B3GALT1: variants seen among roughly 807,000 people sequenced by gnomAD.
B3GALT1 encodes the protein UDP-Gal:betaGlcNAc beta 1,3-galactosyltransferase, polypeptide 1.
In B3GALT1, 10 loss-of-function variants were observed where a neutral mutation model predicts 23.2. The observed-to-expected ratio is 0.43, with a 90% CI of 0.27 to 0.73. B3GALT1 has a LOEUF of 0.73. B3GALT1 is among the 30% of genes least tolerant of loss of function. The pLI, the probability that B3GALT1 is intolerant of heterozygous loss-of-function variation, is 0.21. For missense variants in B3GALT1, 299 were observed against 405.4 expected, an observed-to-expected ratio of 0.74 and a Z score of 2.25; for synonymous variants, 156 against 141.5, an observed-to-expected ratio of 1.10 and a Z score of -0.73.
chr2:167,694,200 G>A (rs1233185376), intron 3 of B3GALT1, among the ~76,000 whole-genome samples: 3 of 151,920 alleles, frequency 2.0e-5, no homozygotes, highest in African/African-American at 7.3e-5. Context: ...AATTCTGTAG[G>A]GATATAAACA....
chr2:167,632,567 T>C (rs969163235), intron 2 of B3GALT1, among the ~76,000 whole-genome samples: 2 of 152,130 alleles, frequency 1.3e-5, no homozygotes, highest in Non-Finnish European at 2.9e-5. Flanking sequence ...TTTTTTTTCA[T>C]ATGTTTGTTG....
Position 167,495,148 on chromosome 2 carries a change from C to T in B3GALT1, c.-410+4871C>T, listed in dbSNP as rs74506716. On this transcript the variant is annotated intron_variant, in intron 2 of 4. Coordinates refer to ENST00000392690, the MANE Select transcript of B3GALT1 (RefSeq NM_020981.4). ...AATGAGGATTATTTGGGAGGGCCTT[C>T]TAGAACAATAATCTCATAAGCATTG... Among the ~76,000 whole-genome samples the T allele has an allele frequency of 2.9e-3, 446 of 152,190 alleles. 16 individuals are homozygous for T. The East Asian group carries it at 0.067, about 23-fold the overall frequency.
chr2:167,661,884 C>T (rs1053275452), intron 3 of B3GALT1, among the ~76,000 whole-genome samples: 5 of 152,024 alleles, frequency 3.3e-5, no homozygotes, highest in Admixed American at 2.0e-4. Context: ...TGAAGCTACA[C>T]TATGAGATAA....
In B3GALT1 at chr2:167,810,552, A is replaced by G. The variant is rs548906567; in HGVS notation, c.-351-8120A>G. Reference sequence around the variant, plus strand: ...TGGGGTTACTGTTGTGCCAAGTTCAATGAATATAGGCAGCAACAGGAATCT... The same window carrying G: ...TGGGGTTACTGTTGTGCCAAGTTCAGTGAATATAGGCAGCAACAGGAATCT... On this transcript the variant is annotated intron_variant, in intron 3 of 4. Transcript: ENST00000392690. Among the ~76,000 whole-genome samples, 208 of 151,194 alleles carry G rather than the reference A, an allele frequency of 1.4e-3. 18 individuals are homozygous for G. Among genetic ancestry groups the G allele is most frequent in the African/African-American group, 4.3e-3 (173 of 40,456 alleles).
At chr2:167,799,339 C>A (rs1351417165) in intron 3 of B3GALT1, among the ~76,000 whole-genome samples, 1 of 152,072 alleles carries the variant, frequency 6.6e-6, no homozygotes, top group Non-Finnish European at 1.5e-5. Flanking sequence ...CCTTAGCCCC[C>A]TCCACCCTCC....
chr2:167,411,072 A>G (rs1048897564), intron 1 of B3GALT1, among the ~76,000 whole-genome samples: 9 of 152,004 alleles, frequency 5.9e-5, no homozygotes, highest in African/African-American at 1.4e-4. Flanking sequence ...AAAAATGTCT[A>G]CACAAGTGTT....
chr2:167,555,716 A>G (rs760505067), intron 2 of B3GALT1, among the ~76,000 whole-genome samples: 1 of 152,176 alleles, frequency 6.6e-6, no homozygotes, highest in Non-Finnish European at 1.5e-5. Context: ...AGCATGTCAC[A>G]TTGTGAAATA....
chr2:167,458,816 G>C (rs879091861), intron 1 of B3GALT1, among the ~76,000 whole-genome samples: 2 of 152,060 alleles, frequency 1.3e-5, no homozygotes, highest in African/African-American at 4.8e-5. Context: ...TGTTGTTGTT[G>C]ATTGTTAGTA....
intron 1 of B3GALT1, among the ~76,000 whole-genome samples, chr2:167,406,365 T>G (rs897369745): frequency 1.3e-5 from 2 of 152,046 alleles, no homozygotes; most frequent in African/African-American, 4.8e-5. Context: ...AGCACCAGAA[T>G]TTTTCACCAG....
rs1187531752 is a variant in B3GALT1, at chr2:167,626,933, GTT to G, written c.-409-19973_-409-19972del. Among the ~76,000 whole-genome samples the G allele has an allele frequency of 8.6e-5, 13 of 151,778 alleles. No individual in the cohort carries two copies. In the East Asian group the frequency reaches 1.8e-3, roughly 20 times the overall value. On this transcript the variant is annotated intron_variant, in intron 2 of 4. Coordinates refer to ENST00000392690, the MANE Select transcript of B3GALT1 (RefSeq NM_020981.4). The stretch of plus-strand genomic sequence containing the variant: ...GATCCTAAAACTCTTTACTCAGGTA[GTT>G]TTCTTCAAAACACAAAGCAATTATC...
chr2:167,835,172 C>CAGTGGGTGCAGGTT (rs1689432595), intron 4 of B3GALT1, among the ~76,000 whole-genome samples: 1 of 152,062 alleles, frequency 6.6e-6, no homozygotes, highest in Non-Finnish European at 1.5e-5. Flanking sequence ...GAGTGCCAGA[C>CAGTGGGTGCAGGTT]AGTGGGTGCA....
At chr2:167,453,995 A>G (rs143837843) in intron 1 of B3GALT1, among the ~76,000 whole-genome samples, 3,449 of 152,332 alleles carry the variant, frequency 0.023, 75 homozygotes, top group Non-Finnish European at 0.03. Context: ...GCATGGTTAC[A>G]GTTCTATTTA....
At chr2:167,637,145 C>T (rs1685569982) in intron 2 of B3GALT1, among the ~76,000 whole-genome samples, 2 of 151,976 alleles carry the variant, frequency 1.3e-5, no homozygotes, top group Non-Finnish European at 2.9e-5. Context: ...AATTCAGACA[C>T]CAACTCCTGT....
chr2:167,439,935 T>TG (rs1553519214), intron 1 of B3GALT1, among the ~76,000 whole-genome samples: 1 of 151,958 alleles, frequency 6.6e-6, no homozygotes, highest in African/African-American at 2.4e-5. Flanking sequence ...AGCTACATTA[T>TG]AACAATTATT....
intron 3 of B3GALT1, among the ~76,000 whole-genome samples, chr2:167,753,330 C>G (rs1687767709): frequency 6.6e-6 from 1 of 152,178 alleles, no homozygotes; most frequent in Non-Finnish European, 1.5e-5. Flanking sequence ...TCTGCGCTAG[C>G]CATGGGACTA....
rs375017793 is a variant in B3GALT1, at chr2:167,706,712, C to A, written c.-352+59746C>A. On this transcript the variant is annotated intron_variant, in intron 3 of 4. Transcript: ENST00000392690. Reference sequence around the variant, plus strand: ...ACATGGAATATCCCCAGTGGTCCCCCAGAAATGATTTTGGGATACAATGCA... The same window carrying A: ...ACATGGAATATCCCCAGTGGTCCCCAAGAAATGATTTTGGGATACAATGCA... Among the ~76,000 whole-genome samples, 6 of 152,284 alleles carry A rather than the reference C, an allele frequency of 3.9e-5. No individual in the cohort carries two copies. In the East Asian group the frequency reaches 9.7e-4, roughly 25 times the overall value.
chr2:167,809,936 T>TTCGAG (rs1256468589), intron 3 of B3GALT1, among the ~76,000 whole-genome samples: 1 of 152,224 alleles, frequency 6.6e-6, no homozygotes, highest in Non-Finnish European at 1.5e-5. Context: ...CTCCACCCAG[T>TTCGAG]TCGAGCTTCC....
At chr2:167,664,849 A>T (rs1359059701) in intron 3 of B3GALT1, among the ~76,000 whole-genome samples, 1 of 150,706 alleles carries the variant, frequency 6.6e-6, no homozygotes, top group Non-Finnish European at 1.5e-5. Context: ...TTATCAGCTT[A>T]AGGAGATTTT....
At chr2:167,461,415 A>G (rs1244367159) in intron 1 of B3GALT1, among the ~76,000 whole-genome samples, 1 of 152,176 alleles carries the variant, frequency 6.6e-6, no homozygotes, top group Non-Finnish European at 1.5e-5. Flanking sequence ...ATTGTTTTCT[A>G]GGTGGGGAGA....
Sources: gnomAD v4.1 joint callset for allele counts (sites outside exome capture counted in the v4.1 genomes callset) on GRCh38, gnomAD v4.1.1 for gene constraint, MANE v1.5 for transcripts, NCBI Gene and HGNC (gene_info 2026-07-23, HGNC 2026-07-21) for gene names.